TANC1: variants seen among roughly 807,000 people sequenced by gnomAD.
TANC1 encodes the protein protein TANC1.
Under a neutral mutation model 149.7 loss-of-function variants are expected in TANC1, and 77 were observed. That is an observed-to-expected ratio of 0.51 (90% CI 0.43 to 0.62). TANC1 has a LOEUF of 0.62. Ranked by LOEUF, TANC1 falls within the 20% of genes least tolerant of loss-of-function variation. The pLI is 0.00. For synonymous variants in TANC1, 854 were observed against 925.0 expected (o/e 0.92, Z 1.39); for missense variants, 1,985 against 2,321.8 (o/e 0.85, Z 2.98).
At position 158,991,889 on chromosome 2, in the gene TANC1, C is replaced by A. The variant is rs557187324; in HGVS notation, c.-125-9191C>A. On this transcript the variant is annotated intron_variant, in intron 1 of 26. Coordinates refer to ENST00000263635, the MANE Select transcript of TANC1 (RefSeq NM_033394.3). ...TATTATGCATAATGCTAGATTATTT[C>A]ATGCTCTGACAATAACAGCATTCAT... 2.0e-4 allele frequency among the ~76,000 whole-genome samples: 30 copies of A among 152,334 alleles called. No homozygotes were observed. The South Asian group carries it at 4.6e-3, about 23-fold the overall frequency.
At chr2:159,198,641 T>A (rs1041700130) in intron 18 of TANC1, among the ~76,000 whole-genome samples, 1 of 152,266 alleles carries the variant, frequency 6.6e-6, no homozygotes, top group Non-Finnish European at 1.5e-5. Flanking sequence ...TATCTTGTGA[T>A]TTATGCAGAA....
rs758459176 is a variant in TANC1, at chr2:159,179,117, G to A, written c.2464G>A (p.Val822Ile). 6.2e-7 allele frequency: 1 copy of A among 1,612,704 alleles called. No individual in the cohort carries two copies. Among genetic ancestry groups the A allele is most frequent in the East Asian group, 2.2e-5 (1 of 44,738 alleles). Reference protein sequence around the residue: ...FCHPSFREWLVWRADGENTAF... With the variant: ...FCHPSFREWLIWRADGENTAF... ...CCACCCGTCCTTCAGGGAGTGGCTT[G>A]TATGGAGAGCAGACGGGGAAAACAC... Residue 822 changes from valine to isoleucine, a missense_variant, in exon 14 of 27, where the codon GTA (valine) becomes ATA (isoleucine). Val to Ile is a conservative substitution (Grantham distance 29, BLOSUM62 3). Transcript: ENST00000263635.
intron 3 of TANC1, among the ~76,000 whole-genome samples, chr2:159,083,027 C>T (rs1385106438): frequency 2.0e-5 from 3 of 152,166 alleles, no homozygotes; most frequent in Non-Finnish European, 4.4e-5. Flanking sequence ...CTCACTGCAA[C>T]CTCCACCACC....
intron 1 of TANC1, among the ~76,000 whole-genome samples, chr2:158,987,511 G>C (rs1388582646): frequency 3.3e-5 from 5 of 152,164 alleles, no homozygotes; most frequent in African/African-American, 1.2e-4. Flanking sequence ...CTGTACAACA[G>C]AGCGAGACCC....
At chr2:159,070,207 AT>A (rs1226943162) in intron 3 of TANC1, among the ~76,000 whole-genome samples, 3 of 152,200 alleles carry the variant, frequency 2.0e-5, no homozygotes, top group Non-Finnish European at 4.4e-5. Context: ...TAGCTCCTCC[AT>A]AATTATGTAG....
At chr2:159,114,963 T>C (rs569038537) in intron 4 of TANC1, among the ~76,000 whole-genome samples, 2 of 152,340 alleles carry the variant, frequency 1.3e-5, no homozygotes, top group South Asian at 2.1e-4. Context: ...CCATAAACAT[T>C]TGTTTTATAC....
intron 1 of TANC1, among the ~76,000 whole-genome samples, chr2:158,991,517 G>A (rs1268300345): frequency 1.3e-5 from 2 of 152,118 alleles, no homozygotes; most frequent in Non-Finnish European, 2.9e-5. Context: ...ACTTTGGGAG[G>A]CCGAGGTGGG....
chr2:159,179,010 A>G lies in TANC1; in HGVS notation c.2357A>G (p.Gln786Arg), dbSNP rs975905178. Residue 786 changes from glutamine (Q) to arginine (R), a missense_variant, in exon 14 of 27, where the codon CAG (glutamine) becomes CGG (arginine). Around this residue, in one of 3 missense-constraint regions of TANC1, gnomAD observed 508 missense variants for 714.2 expected, o/e 0.71. Coordinates refer to ENST00000263635, the MANE Select transcript of TANC1 (RefSeq NM_033394.3). ...AATGCTGGCCACATCCAGGGGGAGC[A>G]GGGATGGGAAGACTTTCAGCAGAGG... ...AINAGHIQGE[Q>R]GWEDFQQRMD... 29 of 1,614,124 alleles carry G rather than the reference A, an allele frequency of 1.8e-5. No individual in the cohort carries two copies. The highest frequency in any genetic ancestry group is 2.3e-5 in the Non-Finnish European group (27 of 1,180,022).
intron 1 of TANC1, among the ~76,000 whole-genome samples, chr2:158,987,104 C>T (rs2149255164): frequency 6.6e-6 from 1 of 150,556 alleles, no homozygotes; most frequent in East Asian, 2.0e-4. Context: ...ATACTAGTTA[C>T]TCAGGAGGCT....
At chr2:159,028,302 G>A (rs2039512741) in intron 2 of TANC1, among the ~76,000 whole-genome samples, 1 of 152,088 alleles carries the variant, frequency 6.6e-6, no homozygotes, top group Non-Finnish European at 1.5e-5. Context: ...TGTGTTTTTA[G>A]TAGAGACGGG....
chr2:159,213,165 A>T (rs1196758632), intron 19 of TANC1, among the ~76,000 whole-genome samples: 1 of 152,170 alleles, frequency 6.6e-6, no homozygotes, highest in East Asian at 1.9e-4. Context: ...CTGTGTCTGC[A>T]GTCTCTCAAA....
At chr2:159,013,182 A>G (rs181140895) in intron 2 of TANC1, among the ~76,000 whole-genome samples, 3 of 152,336 alleles carry the variant, frequency 2.0e-5, no homozygotes, top group Admixed American at 2.0e-4. Flanking sequence ...GGAGCATAAA[A>G]TGTTGAAAAT....
chr2:159,140,776 T>C (rs1307284147), intron 5 of TANC1, among the ~76,000 whole-genome samples: 1 of 148,838 alleles, frequency 6.7e-6, no homozygotes, highest in East Asian at 2.0e-4. Context: ...CTGCAACCTC[T>C]GCCTCCTGGG....
intron 2 of TANC1, among the ~76,000 whole-genome samples, chr2:159,060,279 AG>A (rs1233648637): frequency 6.6e-6 from 1 of 152,228 alleles, no homozygotes; most frequent in Non-Finnish European, 1.5e-5. Context: ...TTTTGACAAA[AG>A]CAGCATCTTC....
chr2:159,229,509 T>C, intron 26 of TANC1, 69 bp from the exon 27 acceptor site: 1 of 1,286,016 alleles, frequency 7.8e-7, no homozygotes, highest in South Asian at 1.4e-5. Flanking sequence ...CACAGCTCTT[T>C]TATGAACAGT....
intron 2 of TANC1, among the ~76,000 whole-genome samples, chr2:159,037,340 T>G (rs1224360014): frequency 6.6e-6 from 1 of 152,216 alleles, no homozygotes; most frequent in African/African-American, 2.4e-5. Context: ...TAGTTTCTTT[T>G]GCTGTGCAGA....
chr2:159,088,779 A>G (rs2045224015), intron 3 of TANC1, among the ~76,000 whole-genome samples: 1 of 152,178 alleles, frequency 6.6e-6, no homozygotes, highest in South Asian at 2.1e-4. Flanking sequence ...AAGGAAGCCA[A>G]AAGATTAGAC....
At chr2:159,187,465 A>G (rs17422139) in intron 16 of TANC1, among the ~76,000 whole-genome samples, 5,253 of 152,338 alleles carry the variant, frequency 0.034, 105 homozygotes, top group Non-Finnish European at 0.046. Flanking sequence ...TCATGTATCC[A>G]TATTTCTGCC....
At chr2:159,198,183 G>C (rs942887413) in intron 18 of TANC1, among the ~76,000 whole-genome samples, 1 of 152,180 alleles carries the variant, frequency 6.6e-6, no homozygotes, top group African/African-American at 2.4e-5. Context: ...GATTAGATCA[G>C]GTGTGTATCA....
Sources: allele counts gnomAD v4.1 joint callset (sites outside exome capture counted in the v4.1 genomes callset), GRCh38; gene constraint gnomAD v4.1.1; regional missense constraint gnomAD v4.1.1; transcripts MANE v1.5; gene names NCBI Gene and HGNC (gene_info 2026-07-23, HGNC 2026-07-21).